LHFPL2: variants seen among roughly 807,000 people sequenced by gnomAD.
LHFPL2 encodes the protein LHFPL tetraspan subfamily member 2.
In LHFPL2, 7 loss-of-function variants were observed where a neutral mutation model predicts 17.5. The observed-to-expected ratio is 0.40, with a 90% CI of 0.23 to 0.75. The LOEUF is 0.75. LHFPL2 is among the 30% of genes least tolerant of loss of function. LHFPL2 has a pLI of 0.37. For synonymous variants in LHFPL2, 134 were observed against 116.2 expected, an observed-to-expected ratio of 1.15 and a Z score of -0.99; for missense variants, 241 against 294.8, an observed-to-expected ratio of 0.82 and a Z score of 1.34.
At chr5:78,579,319 T>TG (rs1437902881) in intron 2 of LHFPL2, among the ~76,000 whole-genome samples, 1 of 152,056 alleles carries the variant, frequency 6.6e-6, no homozygotes, top group Admixed American at 6.6e-5. Flanking sequence ...AGGTTTTTTT[T>TG]TTGTTGTTGT....
chr5:78,638,780 G>C (rs974746847), intron 1 of LHFPL2, among the ~76,000 whole-genome samples: 4 of 152,210 alleles, frequency 2.6e-5, no homozygotes, highest in African/African-American at 7.2e-5. Context: ...TTGTGGCCCA[G>C]AGGGAAGGCT....
intron 2 of LHFPL2, among the ~76,000 whole-genome samples, chr5:78,582,612 A>G (rs1743188602): frequency 6.6e-6 from 1 of 151,738 alleles, no homozygotes; most frequent in Non-Finnish European, 1.5e-5. Flanking sequence ...GAGATTCTTA[A>G]TCCTGAGTTC....
chr5:78,575,204 T>C (rs1757098738), intron 2 of LHFPL2, among the ~76,000 whole-genome samples: 1 of 152,092 alleles, frequency 6.6e-6, no homozygotes, highest in South Asian at 2.1e-4. Context: ...AAACACAAGA[T>C]TTCATTTGAA....
chr5:78,588,415 A>G (rs1220064083), intron 2 of LHFPL2, among the ~76,000 whole-genome samples: 1 of 152,230 alleles, frequency 6.6e-6, no homozygotes, highest in Admixed American at 6.5e-5. Flanking sequence ...ATAAACACTC[A>G]CAAGAGTCAA....
At chr5:78,643,461 C>T (rs973789890) in intron 1 of LHFPL2, among the ~76,000 whole-genome samples, 1 of 152,086 alleles carries the variant, frequency 6.6e-6, no homozygotes, top group Non-Finnish European at 1.5e-5. Flanking sequence ...TCCTTCTTTG[C>T]CTTTCTAAGG....
At position 78,648,768 on chromosome 5, in the gene LHFPL2, G is replaced by GGGAGGA. The variant is rs1288408440; in HGVS notation, c.-620_-619insTCCTCC. ...CCGCCCGGGCTAGCACTCGGGGAGAGGGAGGAGGAGGAGGGGCGGGGGCAG... is the reference window on the plus strand; with the variant it reads ...CCGCCCGGGCTAGCACTCGGGGAGAGGGAGGAGGAGGAGGAGGAGGGGCGGGGGCAG... On this transcript the variant is annotated 5_prime_UTR_variant, in exon 1 of 5. Coordinates refer to ENST00000380345, the MANE Select transcript of LHFPL2 (RefSeq NM_005779.3). The surrounding 1 kb of genome is among the most constrained non-coding windows in gnomAD (Gnocchi z 5.4). 1 of 151,908 alleles carries GGGAGGA rather than the reference G, an allele frequency of 6.6e-6. No homozygotes were observed. The highest frequency in any genetic ancestry group is 2.4e-5 in the African/African-American group (1 of 41,342). 9.4% of individuals were successfully genotyped at this position (151,908 alleles called of 1,614,324 possible).
chr5:78,585,929 A>T (rs1743376234), intron 2 of LHFPL2, among the ~76,000 whole-genome samples: 2 of 151,974 alleles, frequency 1.3e-5, no homozygotes, highest in African/African-American at 4.8e-5. Flanking sequence ...TTCACGTACT[A>T]CCTCCCAGTG....
chr5:78,581,501 A>AGT (rs1743137685), intron 2 of LHFPL2, among the ~76,000 whole-genome samples: 1 of 151,952 alleles, frequency 6.6e-6, no homozygotes, highest in South Asian at 2.1e-4. Flanking sequence ...TTTAGCATGA[A>AGT]GTTGTTGAAT....
intron 2 of LHFPL2, among the ~76,000 whole-genome samples, chr5:78,578,871 G>A (rs1432538278): frequency 6.6e-6 from 1 of 152,150 alleles, no homozygotes; most frequent in Non-Finnish European, 1.5e-5. Context: ...AAAGTACAAT[G>A]GCCACGTGAT....
chr5:78,524,174 C>A (rs1040983247), intron 3 of LHFPL2, among the ~76,000 whole-genome samples: 1 of 152,194 alleles, frequency 6.6e-6, no homozygotes, highest in Non-Finnish European at 1.5e-5. Context: ...CTCAGGAAAA[C>A]CCGGGCCTTG....
intron 2 of LHFPL2, among the ~76,000 whole-genome samples, chr5:78,577,525 G>C (rs1391055193): frequency 6.6e-6 from 1 of 152,088 alleles, no homozygotes; most frequent in Non-Finnish European, 1.5e-5. Context: ...CTGGCAACTG[G>C]AACAACACAA....
At chr5:78,607,904 T>G (rs1242563919) in intron 2 of LHFPL2, among the ~76,000 whole-genome samples, 1 of 152,230 alleles carries the variant, frequency 6.6e-6, no homozygotes, top group African/African-American at 2.4e-5. Flanking sequence ...ACAAAGTGAA[T>G]GTTAAATATG....
chr5:78,538,864 T>C (rs2112371631), intron 3 of LHFPL2, among the ~76,000 whole-genome samples: 2 of 152,324 alleles, frequency 1.3e-5, no homozygotes, highest in South Asian at 4.1e-4. Context: ...ACGTATCCTT[T>C]GTACTGTCCA....
rs565595689 is a variant in LHFPL2, at chr5:78,500,706, A to C, written c.430+9078T>G. ...GTAGGAGTTATAACATGAATCAAGAATTTTTGCCCAATAATGATCACTTTT... is the reference window on the plus strand; with the variant it reads ...GTAGGAGTTATAACATGAATCAAGACTTTTTGCCCAATAATGATCACTTTT... On this transcript the variant is annotated intron_variant, in intron 4 of 4. Transcript: ENST00000380345. 2.6e-5 allele frequency among the ~76,000 whole-genome samples: 4 copies of C among 152,224 alleles called. 1 individual carries two copies. In the South Asian group the frequency reaches 8.3e-4, roughly 32 times the overall value.
In LHFPL2 at chr5:78,503,528, C is replaced by T. The variant is rs142332761; in HGVS notation, c.430+6256G>A. On this transcript the variant is annotated intron_variant, in intron 4 of 4. Transcript: ENST00000380345. Reference sequence around the variant, plus strand: ...CCTGGCCAACGTGGTGAAACCCCGTCTCTACTAAAAATACCAAAAATTAGC... The same window carrying T: ...CCTGGCCAACGTGGTGAAACCCCGTTTCTACTAAAAATACCAAAAATTAGC... 2.2e-4 allele frequency among the ~76,000 whole-genome samples: 34 copies of T among 152,294 alleles called. 2 individuals are homozygous for T. The East Asian group carries it at 6.0e-3, about 27-fold the overall frequency.
chr5:78,556,453 A>G (rs986456689), intron 3 of LHFPL2, among the ~76,000 whole-genome samples: 10 of 152,208 alleles, frequency 6.6e-5, no homozygotes, highest in Non-Finnish European at 1.5e-4. Context: ...ACTAGCAAAG[A>G]CTTAAGAACT....
chr5:78,541,933 AG>A (rs1756126167), intron 3 of LHFPL2, among the ~76,000 whole-genome samples: 1 of 152,208 alleles, frequency 6.6e-6, no homozygotes, highest in South Asian at 2.1e-4. Flanking sequence ...TTTTATAAAA[AG>A]CATCTCACTT....
At chr5:78,562,640 A>G (rs1309095841) in intron 3 of LHFPL2, among the ~76,000 whole-genome samples, 1 of 151,862 alleles carries the variant, frequency 6.6e-6, no homozygotes, top group Non-Finnish European at 1.5e-5. Context: ...ACCTCAAAAA[A>G]AAAAAAAAAA....
intron 1 of LHFPL2, among the ~76,000 whole-genome samples, chr5:78,637,579 G>A (rs1745500113): frequency 6.6e-6 from 1 of 152,234 alleles, no homozygotes; most frequent in African/African-American, 2.4e-5. Context: ...CTAAGTAGCA[G>A]GTGACCAACT....
Sources: gnomAD v4.1 joint callset for allele counts (sites outside exome capture counted in the v4.1 genomes callset) on GRCh38, gnomAD v4.1.1 for gene constraint, Gnocchi (gnomAD v3.1) non-coding constraint, MANE v1.5 for transcripts, NCBI Gene and HGNC (gene_info 2026-07-23, HGNC 2026-07-21) for gene names.